Variants in PCDHA6 observed in about 807,000 individuals in gnomAD.
PCDHA6 encodes protocadherin alpha-6.
In PCDHA6, 55 loss-of-function variants were observed where a neutral mutation model predicts 60.3. That is an observed-to-expected ratio of 0.91 (90% CI 0.73 to 1.14). The LOEUF is 1.14. Ranked by LOEUF, PCDHA6 falls within the 50% of genes most tolerant of loss-of-function variation. The probability of loss-of-function intolerance (pLI) is 0.00; values close to 1 mark genes in which losing one functional copy is unlikely to be tolerated. For missense variants in PCDHA6, 1,327 were observed against 1,256.5 expected (o/e 1.06, Z -0.85); for synonymous variants, 652 against 557.9 (o/e 1.17, Z -2.38).
At chr5:141,001,276 T>C (rs2098003991) in intron 3 of PCDHA6, among the ~76,000 whole-genome samples, 1 of 152,210 alleles carries the variant, frequency 6.6e-6, no homozygotes. Context: ...GAACTTTTTT[T>C]ACGGATGAAA....
chr5:140,883,518 G>A, intron 1 of PCDHA6: 2 of 1,614,234 alleles, frequency 1.2e-6, no homozygotes, highest in South Asian at 1.1e-5. Flanking sequence ...GACCGCGAGA[G>A]CGTATCAGCC....
chr5:140,965,976 G>A (rs2095953776), intron 1 of PCDHA6, among the ~76,000 whole-genome samples: 1 of 152,154 alleles, frequency 6.6e-6, no homozygotes, highest in Non-Finnish European at 1.5e-5. Context: ...CCTAGGAGTT[G>A]AGCACTTTCT....
rs1769507184 is a variant in PCDHA6, at chr5:140,828,062, C to T, written c.-30C>T. The T allele has an allele frequency of 6.4e-7, 1 of 1,557,484 alleles. No individual in the cohort carries two copies. The highest frequency in any genetic ancestry group is 8.7e-7 in the Non-Finnish European group (1 of 1,154,536). On this transcript the variant is annotated 5_prime_UTR_variant, in exon 1 of 4. Coordinates refer to ENST00000529310, the MANE Select transcript of PCDHA6 (RefSeq NM_018909.4). ...ATTTTATCTTTATGCGGAAGATCTTCTAATGGAAATAAAACCAGAGGTATT... is the reference window on the plus strand; with the variant it reads ...ATTTTATCTTTATGCGGAAGATCTTTTAATGGAAATAAAACCAGAGGTATT...
intron 1 of PCDHA6, chr5:140,875,547 G>C (rs558501431): frequency 1.2e-6 from 2 of 1,614,152 alleles, no homozygotes; most frequent in Admixed American, 1.7e-5. Context: ...CAGCCTGGGA[G>C]GTGGGGAGCG....
At chr5:140,872,610 T>C (rs1270918795) in intron 1 of PCDHA6, among the ~76,000 whole-genome samples, 2 of 152,146 alleles carry the variant, frequency 1.3e-5, no homozygotes, top group Non-Finnish European at 2.9e-5. Context: ...AAAATAATTT[T>C]TTTTGCCTGT....
chr5:140,981,944 G>A (rs893119825), intron 2 of PCDHA6, among the ~76,000 whole-genome samples: 2 of 152,174 alleles, frequency 1.3e-5, no homozygotes, highest in Non-Finnish European at 2.9e-5. Flanking sequence ...GAAATATAGG[G>A]TGGGTCATCT....
chr5:140,883,886 T>C, intron 1 of PCDHA6: 1 of 1,613,156 alleles, frequency 6.2e-7, no homozygotes, highest in Non-Finnish European at 8.5e-7. Flanking sequence ...CGCGCGCGAC[T>C]CTGGCGTGCC....
chr5:140,967,733 C>A (rs1473723959), intron 1 of PCDHA6: 1 of 1,614,024 alleles, frequency 6.2e-7, no homozygotes, highest in Non-Finnish European at 8.5e-7. Flanking sequence ...AATTGGGGGG[C>A]TGGATTATGA....
intron 1 of PCDHA6, among the ~76,000 whole-genome samples, chr5:140,855,699 C>A (rs901621120): frequency 6.7e-6 from 1 of 149,362 alleles, no homozygotes; most frequent in Non-Finnish European, 1.5e-5. Context: ...AAACATTGCA[C>A]GTGGGATCAA....
intron 1 of PCDHA6, chr5:140,834,259 ACT>A: frequency 1.0e-6 from 1 of 957,536 alleles, no homozygotes; most frequent in Non-Finnish European, 1.6e-6. Context: ...AAGACGCTCC[ACT>A]CTCTTTCACT....
At chr5:140,840,854 C>T (rs2150309759) in intron 1 of PCDHA6, among the ~76,000 whole-genome samples, 10 of 151,908 alleles carry the variant, frequency 6.6e-5, no homozygotes, top group Admixed American at 2.6e-4. Flanking sequence ...TTCTTCCACA[C>T]GAAACTATGG....
intron 1 of PCDHA6, among the ~76,000 whole-genome samples, chr5:140,940,306 T>C (rs2092590981): frequency 6.6e-6 from 1 of 152,200 alleles, no homozygotes; most frequent in Non-Finnish European, 1.5e-5. Context: ...TAATTTATTA[T>C]CTTTCTTCCA....
At chr5:140,871,545 A>G (rs1554165721) in intron 1 of PCDHA6, 1 of 1,501,736 alleles carries the variant, frequency 6.7e-7, no homozygotes, top group Non-Finnish European at 8.9e-7. Context: ...GAAATTATTT[A>G]AAATCCAGTT....
At chr5:140,966,208 T>G (rs993246205) in intron 1 of PCDHA6, 2 of 231,366 alleles carry the variant, frequency 8.6e-6, no homozygotes, top group Admixed American at 1.1e-4. Flanking sequence ...TTGACTGCTT[T>G]TCCCAGACTA....
Position 140,848,595 on chromosome 5 carries a change from T to C in PCDHA6, c.2394+18110T>C, listed in dbSNP as rs2150413668. The C allele has an allele frequency of 1.4e-5, 23 of 1,594,356 alleles. 3 individuals are homozygous for C. The highest frequency in any genetic ancestry group is 1.8e-5 in the Non-Finnish European group (21 of 1,164,532). Reference sequence around the variant, plus strand: ...GGTGGGGAGCGGCCAGCTCCACTACTCCGTCCCGGAGGAAGCCGAACACGG... The same window carrying C: ...GGTGGGGAGCGGCCAGCTCCACTACCCCGTCCCGGAGGAAGCCGAACACGG... On this transcript the variant is annotated intron_variant, in intron 1 of 3. Coordinates refer to ENST00000529310, the MANE Select transcript of PCDHA6 (RefSeq NM_018909.4).
rs565763627 is a variant in PCDHA6, at chr5:140,989,336, C to G, written c.2542+6773C>G. ...GTCTCACCAACTTTGCCACCTGACT[C>G]AGCTCAAAGGTGATAGGTCACCTGT... is the stretch of plus-strand genomic sequence containing the variant. On this transcript the variant is annotated intron_variant, in intron 3 of 3. Transcript: ENST00000529310. Among the ~76,000 whole-genome samples, 6 of 152,272 alleles carry G rather than the reference C, an allele frequency of 3.9e-5. 1 individual carries two copies. In the South Asian group the frequency reaches 1.0e-3, roughly 26 times the overall value.
intron 1 of PCDHA6, chr5:140,851,137 A>G (rs2041971194): frequency 2.3e-6 from 3 of 1,313,646 alleles, no homozygotes; most frequent in South Asian, 2.5e-5. Flanking sequence ...TTGTGATTAA[A>G]GTGACATTGA....
chr5:140,981,232 T>G (rs768766953), intron 2 of PCDHA6, among the ~76,000 whole-genome samples: 32 of 152,216 alleles, frequency 2.1e-4, no homozygotes, highest in Non-Finnish European at 4.3e-4. Context: ...GTAGTCTAAA[T>G]TTTATTTTAG....
chr5:140,981,037 A>T (rs1427761331), intron 2 of PCDHA6, among the ~76,000 whole-genome samples: 1 of 152,204 alleles, frequency 6.6e-6, no homozygotes, highest in Non-Finnish European at 1.5e-5. Context: ...TTTGGGGAAA[A>T]AAAACAGATA....
Sources: allele counts gnomAD v4.1 joint callset (sites outside exome capture counted in the v4.1 genomes callset), GRCh38; gene constraint gnomAD v4.1.1; transcripts MANE v1.5; gene names NCBI Gene and HGNC (gene_info 2026-07-23, HGNC 2026-07-21).